CDC73: variants seen among roughly 807,000 people sequenced by gnomAD.
The protein encoded by CDC73 is parafibromin.
CDC73 carries 21 observed loss-of-function variants against 83.7 expected under a neutral mutation model. That is an observed-to-expected ratio of 0.25 (90% CI 0.18 to 0.36). The LOEUF is 0.36. Ranked by LOEUF, CDC73 falls within the 10% of genes least tolerant of loss-of-function variation. The probability of loss-of-function intolerance (pLI) is 1.00; values close to 1 mark genes in which losing one functional copy is unlikely to be tolerated. For synonymous variants in CDC73, 224 were observed against 212.9 expected (o/e 1.05, Z -0.45); for missense variants, 342 against 653.3 (o/e 0.52, Z 5.19).
intron 10 of CDC73, chr1:193,181,066 G>C (rs1676706382): frequency 6.2e-7 from 1 of 1,614,002 alleles, no homozygotes. Flanking sequence ...AGCTCTTCTA[G>C]CTTCTATTTG....
chr1:193,209,432 T>C (rs1016915234), intron 11 of CDC73, among the ~76,000 whole-genome samples: 4 of 152,192 alleles, frequency 2.6e-5, no homozygotes, highest in African/African-American at 9.6e-5. Context: ...CTTTTACGAT[T>C]GAGGAAACTG....
In CDC73 at chr1:193,254,150, A is replaced by AT. The variant is rs1678093553; in HGVS notation, c.*3438_*3439insT. The stretch of plus-strand genomic sequence containing the variant: ...ATTTTTTATTTTTAATTTTTTTGGA[A>AT]GTTTATTAAAGCCCTTCATATACAC... On this transcript the variant is annotated 3_prime_UTR_variant, in exon 17 of 17. Transcript: ENST00000367435. Among the ~76,000 whole-genome samples the AT allele has an allele frequency of 6.6e-6, 1 of 151,978 alleles. No individual in the cohort carries two copies. Among genetic ancestry groups the AT allele is most frequent in the African/African-American group, 2.4e-5 (1 of 41,528 alleles).
chr1:193,227,968 G>A (rs1380441705), intron 13 of CDC73, among the ~76,000 whole-genome samples: 1 of 152,142 alleles, frequency 6.6e-6, no homozygotes, highest in Admixed American at 6.5e-5. Context: ...GCTGCCATTA[G>A]CTGATGCTTC....
chr1:193,238,243 A>T (rs1419945063), intron 15 of CDC73, among the ~76,000 whole-genome samples: 1 of 151,828 alleles, frequency 6.6e-6, no homozygotes, highest in Non-Finnish European at 1.5e-5. Context: ...GTTTAAGAAT[A>T]CTCTTTCCCC....
chr1:193,162,294 T>TAC (rs1274690713), intron 10 of CDC73, among the ~76,000 whole-genome samples: 39 of 123,066 alleles, frequency 3.2e-4, no homozygotes, highest in African/African-American at 1.2e-3. Flanking sequence ...ATATGATATA[T>TAC]TATATATACT....
intron 13 of CDC73, among the ~76,000 whole-genome samples, chr1:193,231,947 AAT>A (rs1677669403): frequency 6.6e-6 from 1 of 152,146 alleles, no homozygotes; most frequent in African/African-American, 2.4e-5. Flanking sequence ...TAGTTAATAA[AAT>A]ATGTTATTGG....
chr1:193,155,695 T>G (rs1468969595), intron 10 of CDC73, among the ~76,000 whole-genome samples: 1 of 152,162 alleles, frequency 6.6e-6, no homozygotes, highest in East Asian at 1.9e-4. Context: ...GAGAATTGTT[T>G]GAACCCAGGA....
chr1:193,222,775 A>G (rs966844587), intron 13 of CDC73, among the ~76,000 whole-genome samples: 1 of 81,532 alleles, frequency 1.2e-5, no homozygotes, highest in Non-Finnish European at 2.5e-5. Context: ...TTTTTTTTGC[A>G]TATGTTCTGT....
chr1:193,138,262 C>G (rs994133978), intron 6 of CDC73, 89 bp downstream of exon 6: 2 of 887,366 alleles, frequency 2.3e-6, no homozygotes, highest in Non-Finnish European at 3.8e-6. Context: ...TCCACATTTA[C>G]ATTTACCTCT....
intron 7 of CDC73, 71 bp downstream of exon 7, chr1:193,142,137 T>C (rs940737448): frequency 3.0e-5 from 38 of 1,287,270 alleles, no homozygotes; most frequent in Middle Eastern, 1.9e-4. Context: ...TCTGTGGTTA[T>C]AGAATTGGTT....
chr1:193,204,204 CGTGTATATAT>C (rs1283039015), intron 11 of CDC73, among the ~76,000 whole-genome samples: 4 of 67,652 alleles, frequency 5.9e-5, no homozygotes, highest in Non-Finnish European at 9.6e-5. Context: ...CATATATATA[CGTGTATATAT>C]ATGTATATAT....
At chr1:193,154,678 T>G (rs1298622621) in intron 10 of CDC73, among the ~76,000 whole-genome samples, 1 of 152,254 alleles carries the variant, frequency 6.6e-6, no homozygotes, top group Non-Finnish European at 1.5e-5. Context: ...ATTTATGCAG[T>G]TGTTAGAATT....
At chr1:193,168,922 G>A (rs115283936) in intron 10 of CDC73, among the ~76,000 whole-genome samples, 1,875 of 152,196 alleles carry the variant, frequency 0.012, 19 homozygotes, top group South Asian at 0.036. Flanking sequence ...TTTGAATTTC[G>A]TGTAATTTTT....
chr1:193,194,653 A>G (rs191559117), intron 10 of CDC73, among the ~76,000 whole-genome samples: 22 of 152,286 alleles, frequency 1.4e-4, no homozygotes, highest in Admixed American at 4.6e-4. Context: ...TCCAAGCATT[A>G]TAGACATGCT....
chr1:193,228,060 A>G (rs1293707241), intron 13 of CDC73, among the ~76,000 whole-genome samples: 1 of 152,198 alleles, frequency 6.6e-6, no homozygotes, highest in Non-Finnish European at 1.5e-5. Context: ...GCTGTAATAT[A>G]TAGCACTTTG....
intron 3 of CDC73, 57 bp from the exon 4 acceptor site, chr1:193,135,334 A>G (rs1016696958): frequency 1.5e-6 from 2 of 1,325,754 alleles, no homozygotes; most frequent in Admixed American, 1.7e-5. Flanking sequence ...ACTTGTAATA[A>G]TATCCAATAT....
rs541757887 is a variant in CDC73, at chr1:193,122,197, G to C, written c.-4G>C. 4.3e-6 allele frequency: 7 copies of C among 1,613,194 alleles called. No individual in the cohort carries two copies. The highest frequency in any genetic ancestry group is 2.7e-5 in the African/African-American group (2 of 74,916). ...CCGAGCCGGCGGAGGCGAGGGGGGG[G>C]AAGATGGCGGACGTGCTTAGCGTCC... On this transcript the variant is annotated 5_prime_UTR_variant, in exon 1 of 17. Coordinates refer to ENST00000367435, the MANE Select transcript of CDC73 (RefSeq NM_024529.5).
chr1:193,168,173 TG>T (rs1473184059), intron 10 of CDC73, among the ~76,000 whole-genome samples: 3 of 152,126 alleles, frequency 2.0e-5, no homozygotes, highest in Non-Finnish European at 2.9e-5. Context: ...TTTGTTTTAA[TG>T]TGATGAGTAG....
intron 10 of CDC73, among the ~76,000 whole-genome samples, chr1:193,194,829 C>T (rs936529038): frequency 6.6e-6 from 1 of 151,830 alleles, no homozygotes; most frequent in African/African-American, 2.4e-5. Flanking sequence ...CTTTTGATTC[C>T]AATTTGAATT....
Sources: allele counts gnomAD v4.1 joint callset (sites outside exome capture counted in the v4.1 genomes callset), GRCh38; gene constraint gnomAD v4.1.1; transcripts MANE v1.5; gene names NCBI Gene and HGNC (gene_info 2026-07-23, HGNC 2026-07-21).